The following MDGA2 variants were observed in gnomAD, a reference collection of about 807,000 sequenced individuals.
MDGA2 encodes the protein MAM domain-containing glycosylphosphatidylinositol anchor protein 2.
A neutral mutation model predicts 117.8 loss-of-function variants in MDGA2; 40 were observed. The ratio of observed to expected loss-of-function variants is 0.34; its 90% CI spans 0.26 to 0.44. The LOEUF (loss-of-function observed/expected upper bound fraction) is 0.44, where lower values mean the gene tolerates loss of function less well. Ranked by LOEUF, MDGA2 falls within the 20% of genes least tolerant of loss-of-function variation. The pLI is 1.00. For synonymous variants in MDGA2, 452 were observed against 439.0 expected, an observed-to-expected ratio of 1.03 and a Z score of -0.37; for missense variants, 1,123 against 1,250.6, an observed-to-expected ratio of 0.90 and a Z score of 1.54.
At chr14:47,494,271 G>T (rs1350203075) in intron 1 of MDGA2, among the ~76,000 whole-genome samples, 1 of 152,142 alleles carries the variant, frequency 6.6e-6, no homozygotes, top group Non-Finnish European at 1.5e-5. Context: ...TGTAACACAT[G>T]AAATTGAGTT....
chr14:46,911,979 C>T (rs1883722825), intron 10 of MDGA2, among the ~76,000 whole-genome samples: 1 of 152,050 alleles, frequency 6.6e-6, no homozygotes, highest in African/African-American at 2.4e-5. Flanking sequence ...CAGACACACA[C>T]CCACTCTCAC....
intron 1 of MDGA2, among the ~76,000 whole-genome samples, chr14:47,532,248 A>G (rs1358798288): frequency 6.6e-6 from 1 of 152,218 alleles, no homozygotes; most frequent in East Asian, 1.9e-4. Flanking sequence ...TTAGCATTAA[A>G]GAAATGCATT....
rs763396126 is a variant in MDGA2 at position 46,860,190 on chromosome 14, T to A, written c.2753-5036A>T. Among the ~76,000 whole-genome samples, 423 of 152,192 alleles carry A rather than the reference T, an allele frequency of 2.8e-3. 1 individual carries two copies. Among genetic ancestry groups the A allele is most frequent in the Non-Finnish European group, 5.0e-3 (341 of 67,950 alleles). On this transcript the variant is annotated intron_variant, in intron 14 of 16. Coordinates refer to ENST00000399232, the MANE Select transcript of MDGA2 (RefSeq NM_001113498.3). ...CTTCATCTCTAAATCTCTCATTCCC[T>A]CAACTTCTTCATCAGGCAAATGGTA...
intron 6 of MDGA2, among the ~76,000 whole-genome samples, chr14:47,091,645 T>C (rs887370285): frequency 4.6e-5 from 7 of 152,142 alleles, no homozygotes; most frequent in African/African-American, 1.7e-4. Flanking sequence ...CTGATCAGGA[T>C]AATGAGATTT....
chr14:47,647,855 T>C (rs1165679804), intron 1 of MDGA2, among the ~76,000 whole-genome samples: 4 of 152,148 alleles, frequency 2.6e-5, no homozygotes, highest in Non-Finnish European at 4.4e-5. Flanking sequence ...ATTATTGTTA[T>C]AACTTATATA....
intron 15 of MDGA2, among the ~76,000 whole-genome samples, chr14:46,849,324 C>T (rs983753081): frequency 1.3e-5 from 2 of 151,832 alleles, no homozygotes; most frequent in Non-Finnish European, 2.9e-5. Context: ...TTTGCTATTA[C>T]AAAGATGTAG....
chr14:46,961,920 G>A (rs1303173606), intron 8 of MDGA2, among the ~76,000 whole-genome samples: 1 of 152,136 alleles, frequency 6.6e-6, no homozygotes, highest in Non-Finnish European at 1.5e-5. Flanking sequence ...GGGATTACAG[G>A]CGTGAGCCAC....
chr14:47,387,136 A>G lies in MDGA2; in HGVS notation c.281-85586T>C, dbSNP rs1891778265. Among the ~76,000 whole-genome samples the G allele has an allele frequency of 2.0e-5, 3 of 152,180 alleles. No homozygotes were observed. The South Asian group carries it at 6.2e-4, about 31-fold the overall frequency. On this transcript the variant is annotated intron_variant, in intron 1 of 16. Transcript: ENST00000399232. ...GATACTTTTTTTAGAATACCTTACT[A>G]GGAACTGGTTGCTGTACAATCTCAG...
chr14:46,992,073 T>C (rs1887112100), intron 8 of MDGA2, among the ~76,000 whole-genome samples: 1 of 152,092 alleles, frequency 6.6e-6, no homozygotes, highest in Admixed American at 6.6e-5. Context: ...CAATACACTC[T>C]TTCTGTCAAA....
rs112886953 is a variant in MDGA2, at chr14:46,990,933, G to A, written c.1820-33290C>T. The stretch of plus-strand genomic sequence containing the variant: ...TAAGACACAGCTAGAAAATACAGAA[G>A]CAAGAGATCATTGATTGTTTCTTTA... On this transcript the variant is annotated intron_variant, in intron 8 of 16. Transcript: ENST00000399232. 2.5e-3 allele frequency among the ~76,000 whole-genome samples: 369 copies of A among 150,598 alleles called. 2 individuals are homozygous for A. The highest frequency in any genetic ancestry group is 8.5e-3 in the African/African-American group (350 of 41,016).
intron 3 of MDGA2, among the ~76,000 whole-genome samples, chr14:47,147,989 T>C (rs1312257753): frequency 1.3e-5 from 2 of 152,110 alleles, no homozygotes. Flanking sequence ...ATGACCAAAA[T>C]TGAACAAGAG....
intron 6 of MDGA2, among the ~76,000 whole-genome samples, chr14:47,079,687 C>T (rs1275076268): frequency 7.9e-6 from 1 of 127,032 alleles, no homozygotes; most frequent in African/African-American, 2.8e-5. Context: ...TGAATGTTGT[C>T]AAATATACTG....
rs1191351609 is a variant in MDGA2 at position 46,841,066 on chromosome 14, T to G, written c.*865A>C. ...GTTTTACACAAACCACTCTTAGCAG[T>G]GCAAGCTTCTGAGTTGAAAATTATT... On this transcript the variant is annotated 3_prime_UTR_variant, in exon 17 of 17. Coordinates refer to ENST00000399232, the MANE Select transcript of MDGA2 (RefSeq NM_001113498.3). 1 of 152,562 alleles carries G rather than the reference T, an allele frequency of 6.6e-6. No individual in the cohort carries two copies. The highest frequency in any genetic ancestry group is 1.5e-5 in the Non-Finnish European group (1 of 68,006). 9.5% of individuals were successfully genotyped at this position (152,562 alleles called of 1,614,324 possible). A position where few individuals can be genotyped will look rare whatever the true frequency, so the allele number is the denominator to read the frequency against.
At chr14:47,162,192 G>A (rs1388806255) in intron 3 of MDGA2, among the ~76,000 whole-genome samples, 8 of 151,892 alleles carry the variant, frequency 5.3e-5, no homozygotes, top group Non-Finnish European at 8.8e-5. Flanking sequence ...TGTTCTGCAT[G>A]CCTCGGCCTC....
intron 1 of MDGA2, among the ~76,000 whole-genome samples, chr14:47,395,845 T>C (rs930416325): frequency 6.6e-6 from 1 of 152,152 alleles, no homozygotes; most frequent in Non-Finnish European, 1.5e-5. Flanking sequence ...TTTGTTACAA[T>C]ACTCACAATG....
intron 1 of MDGA2, among the ~76,000 whole-genome samples, chr14:47,372,796 G>A (rs891578930): frequency 1.3e-5 from 2 of 151,638 alleles, no homozygotes; most frequent in African/African-American, 2.4e-5. Flanking sequence ...AAAACTGGAG[G>A]GAAAATAATT....
At chr14:47,174,551 G>C (rs1325260230) in intron 3 of MDGA2, among the ~76,000 whole-genome samples, 1 of 152,056 alleles carries the variant, frequency 6.6e-6, no homozygotes, top group Non-Finnish European at 1.5e-5. Flanking sequence ...AATGACTACT[G>C]GGTACATAAT....
At chr14:47,531,818 C>G (rs899144570) in intron 1 of MDGA2, among the ~76,000 whole-genome samples, 1 of 152,116 alleles carries the variant, frequency 6.6e-6, no homozygotes, top group African/African-American at 2.4e-5. Flanking sequence ...TAGGTAAAAA[C>G]CATATAAATT....
intron 1 of MDGA2, among the ~76,000 whole-genome samples, chr14:47,426,679 TATC>T (rs962343169): frequency 7.1e-6 from 1 of 140,142 alleles, no homozygotes; most frequent in Non-Finnish European, 1.5e-5. Context: ...ACATTATATA[TATC>T]ATTTATATAT....
Sources: gnomAD v4.1 joint callset for allele counts (sites outside exome capture counted in the v4.1 genomes callset) on GRCh38, gnomAD v4.1.1 for gene constraint, MANE v1.5 for transcripts, NCBI Gene and HGNC (gene_info 2026-07-23, HGNC 2026-07-21) for gene names.